The following ISM1 variants were observed in gnomAD, a reference collection of about 807,000 sequenced individuals.
ISM1 encodes the protein isthmin-1.
ISM1 carries 25 observed loss-of-function variants against 46.3 expected under a neutral mutation model. That is an observed-to-expected ratio of 0.54 (90% CI 0.39 to 0.75). The LOEUF is 0.75. ISM1 is among the 30% of genes least tolerant of loss of function. The pLI is 0.00. For missense variants in ISM1, 536 were observed against 625.4 expected (o/e 0.86, Z 1.52); for synonymous variants, 255 against 256.7 (o/e 0.99, Z 0.06).
the ISM1 span, among the ~76,000 whole-genome samples, chr20:13,312,455 C>T: frequency 1.3e-5 from 2 of 152,198 alleles, no homozygotes; most frequent in South Asian, 4.1e-4. Context: ...CTGCACAACG[C>T]CCTGCAACTT....
chr20:13,222,880 A>C (rs2123113686), intron 1 of ISM1, among the ~76,000 whole-genome samples: 1 of 152,268 alleles, frequency 6.6e-6, no homozygotes, highest in Middle Eastern at 3.4e-3. Flanking sequence ...AAATCTGCTC[A>C]AACCAGGCGC....
chr20:13,308,934 C>G, the ISM1 span, among the ~76,000 whole-genome samples: 1 of 152,030 alleles, frequency 6.6e-6, no homozygotes, highest in African/African-American at 2.4e-5. Flanking sequence ...AGTCTATAAA[C>G]CAGAAGAGGA....
chr20:13,307,265 T>C, the ISM1 span, among the ~76,000 whole-genome samples: 284 of 152,314 alleles, frequency 1.9e-3, 3 homozygotes, highest in Non-Finnish European at 3.5e-3. Context: ...GGCCAGTCTT[T>C]TTCAAAATAC....
At chr20:13,225,302 A>T (rs1449172906) in intron 1 of ISM1, among the ~76,000 whole-genome samples, 1 of 152,130 alleles carries the variant, frequency 6.6e-6, no homozygotes, top group African/African-American at 2.4e-5. Context: ...TATAGTGGGG[A>T]GCTATTTGAA....
chr20:13,253,358 G>A (rs1370496610), intron 1 of ISM1, among the ~76,000 whole-genome samples: 3 of 152,214 alleles, frequency 2.0e-5, no homozygotes, highest in East Asian at 1.9e-4. Context: ...ACCACTCAGA[G>A]GGTCTCCCCA....
intron 4 of ISM1, among the ~76,000 whole-genome samples, chr20:13,292,127 G>A (rs888517607): frequency 3.9e-5 from 6 of 152,198 alleles, no homozygotes; most frequent in African/African-American, 1.4e-4. Flanking sequence ...CTCAGTGAGT[G>A]AGTTCCTAGG....
At position 13,221,644 on chromosome 20, in the gene ISM1, A is replaced by C; in HGVS notation, c.-133A>C. The stretch of plus-strand genomic sequence containing the variant: ...CCAGCGCCAGCCCCGCGGGCCCGGG[A>C]AGCGGAGCCCTGGCGGGAGCCGAGG... On this transcript the variant is annotated 5_prime_UTR_variant, in exon 1 of 6. Transcript: ENST00000262487. The C allele has an allele frequency of 1.4e-6, 1 of 699,824 alleles. No homozygotes were observed. Among genetic ancestry groups the C allele is most frequent in the Non-Finnish European group, 1.9e-6 (1 of 530,670 alleles). The allele number at this position is 699,824 out of a possible 1,614,324, so 43.4% of individuals were successfully genotyped here.
the ISM1 span, among the ~76,000 whole-genome samples, chr20:13,319,914 T>G: frequency 2.0e-5 from 3 of 152,140 alleles, no homozygotes; most frequent in Non-Finnish European, 2.9e-5. Flanking sequence ...AGGGCTCTTC[T>G]GGGAAACAGG....
At chr20:13,274,461 C>A (rs982183053) in intron 2 of ISM1, among the ~76,000 whole-genome samples, 5 of 152,214 alleles carry the variant, frequency 3.3e-5, no homozygotes, top group African/African-American at 4.8e-5. Flanking sequence ...CCCCTGGCAA[C>A]CTGCCTTTGC....
At chr20:13,263,610 T>A (rs1225994040) in intron 1 of ISM1, among the ~76,000 whole-genome samples, 1 of 152,200 alleles carries the variant, frequency 6.6e-6, no homozygotes, top group Non-Finnish European at 1.5e-5. Context: ...TTTAGATGTG[T>A]GGAACTGTTC....
chr20:13,259,046 G>A (rs1335046110), intron 1 of ISM1, among the ~76,000 whole-genome samples: 1 of 152,178 alleles, frequency 6.6e-6, no homozygotes, highest in Non-Finnish European at 1.5e-5. Context: ...ACTTTGGGAG[G>A]CCGAGGCGGG....
At chr20:13,237,052 G>A (rs559812320) in intron 1 of ISM1, among the ~76,000 whole-genome samples, 3 of 152,292 alleles carry the variant, frequency 2.0e-5, no homozygotes, top group Admixed American at 6.5e-5. Flanking sequence ...TCTGTGTGGG[G>A]GCTCCGGTCC....
chr20:13,262,014 G>T (rs769417979), intron 1 of ISM1, among the ~76,000 whole-genome samples: 7 of 152,170 alleles, frequency 4.6e-5, no homozygotes, highest in African/African-American at 1.7e-4. Flanking sequence ...CCCTCTGGTC[G>T]TAGGAGGACT....
intron 1 of ISM1, among the ~76,000 whole-genome samples, chr20:13,229,016 C>T (rs1327211857): frequency 6.6e-6 from 1 of 152,098 alleles, no homozygotes; most frequent in Non-Finnish European, 1.5e-5. Context: ...CCACTTCCTG[C>T]CCTCAGCCTT....
the ISM1 span, among the ~76,000 whole-genome samples, chr20:13,320,118 A>C: frequency 6.6e-6 from 1 of 152,214 alleles, no homozygotes; most frequent in Non-Finnish European, 1.5e-5. Flanking sequence ...TCCTGTGAGA[A>C]GCAATCTATA....
At chr20:13,300,874 G>A (rs912436164), downstream of ISM1, among the ~76,000 whole-genome samples, 6 of 152,142 alleles carry the variant, frequency 3.9e-5, no homozygotes, top group Non-Finnish European at 8.8e-5. Context: ...CTTTTTGCCC[G>A]CCCAGACCTA....
In ISM1 at chr20:13,279,833, C is replaced by T; in HGVS notation, c.578C>T (p.Pro193Leu). ...TSDDSNFLNP[P>L]RGWDHTAPGH... ...GACGACAGCAACTTCCTCAACCCCC[C>T]CAGGGGGTGGGACCATACAGCCCCA... The change falls in exon 3 of 6, where the codon CCC becomes CTC. Residue 193 changes from proline (P) to leucine (L), a missense_variant. Coordinates refer to ENST00000262487, the MANE Select transcript of ISM1 (RefSeq NM_080826.2). 1 of 1,613,882 alleles carries T rather than the reference C, an allele frequency of 6.2e-7. No individual in the cohort carries two copies. Among genetic ancestry groups the T allele is most frequent in the Non-Finnish European group, 8.5e-7 (1 of 1,179,774 alleles).
intron 1 of ISM1, among the ~76,000 whole-genome samples, chr20:13,238,408 AT>A (rs2039678065): frequency 6.6e-6 from 1 of 152,184 alleles, no homozygotes; most frequent in East Asian, 1.9e-4. Context: ...CCCATTACTC[AT>A]TAACTTATTT....
downstream of ISM1, among the ~76,000 whole-genome samples, chr20:13,305,211 A>C (rs1314460794): frequency 6.6e-6 from 1 of 152,040 alleles, no homozygotes; most frequent in Non-Finnish European, 1.5e-5. Context: ...AAAAAAAAAA[A>C]AAAAAAAACC....
Sources: gnomAD v4.1 joint callset for allele counts (sites outside exome capture counted in the v4.1 genomes callset) on GRCh38, gnomAD v4.1.1 for gene constraint, MANE v1.5 for transcripts, NCBI Gene and HGNC (gene_info 2026-07-23, HGNC 2026-07-21) for gene names.